The following PRRT4 variants were observed in gnomAD, a reference collection of about 807,000 sequenced individuals.
PRRT4 encodes proline-rich transmembrane protein 4.
Under a neutral mutation model 55.6 loss-of-function variants are expected in PRRT4, and 59 were observed. The observed-to-expected ratio is 1.06, with a 90% CI of 0.86 to 1.32. PRRT4 has a LOEUF of 1.32. Ranked by LOEUF, PRRT4 falls within the 40% of genes most tolerant of loss-of-function variation. The pLI is 0.00. For synonymous variants in PRRT4, 606 were observed against 601.8 expected (o/e 1.01, Z -0.10); for missense variants, 1,217 against 1,222.0 (o/e 1.00, Z 0.06).
At chr7:128,359,780 A>G (rs1376938960) in exon 2 of PRRT4, 33 of 1,542,496 alleles carry the variant, frequency 2.1e-5, no homozygotes, top group Non-Finnish European at 2.8e-5. Context: ...GGTCTCTGTG[A>G]CTGGGCTCCC....
chr7:128,360,076 G>A lies in PRRT4; in HGVS notation c.-72-13C>T. 1.8e-6 allele frequency: 2 copies of A among 1,105,952 alleles called. No homozygotes were observed. Among genetic ancestry groups the A allele is most frequent in the Non-Finnish European group, 2.3e-6 (2 of 861,352 alleles). The allele number at this position is 1,105,952 out of a possible 1,614,324, so 68.5% of individuals were successfully genotyped here. ...GAGGAGGAAGGTCCTGGAGAGAGGA[G>A]AGGCCCTGTGAGCCCTGGCTGTGGC... is the stretch of plus-strand genomic sequence containing the variant. On this transcript the variant is annotated splice_polypyrimidine_tract_variant and intron_variant, in intron 1 of 4. Transcript: ENST00000535159.
rs1241649191 is a variant in PRRT4, at chr7:128,351,980, C to T, written c.1576G>A (p.Ala526Thr). The T allele has an allele frequency of 4.3e-5, 56 of 1,298,338 alleles. No homozygotes were observed. Among genetic ancestry groups the T allele is most frequent in the Non-Finnish European group, 5.5e-5 (56 of 1,022,932 alleles). 80.4% of individuals were successfully genotyped at this position (1,298,338 alleles called of 1,614,324 possible). A position where few individuals can be genotyped will look rare whatever the true frequency, so the allele number is the denominator to read the frequency against. The change falls in exon 5 of 5, where the codon GCC becomes ACC. Residue 526 changes from alanine (A) to threonine (T), a missense_variant. Around this residue, in one of 3 missense-constraint regions of PRRT4, gnomAD observed 642 missense variants for 600.9 expected, o/e 1.07. Coordinates refer to ENST00000535159, the Ensembl canonical transcript of PRRT4. ...CCCGACCCTCCCAGGGGCGCCCCGG[C>T]CCGCCGCCGCCGCCCGCCCCAGCAG...
exon 5 of PRRT4, chr7:128,351,184 G>C (rs1246422177): frequency 6.5e-6 from 10 of 1,543,566 alleles, no homozygotes; most frequent in Non-Finnish European, 8.7e-6. Flanking sequence ...AGCCCCAGGG[G>C]AGGGGAGCTC....
exon 5 of PRRT4, chr7:128,351,060 G>A (rs1019488684): frequency 1.1e-5 from 17 of 1,548,966 alleles, no homozygotes; most frequent in Middle Eastern, 1.7e-4. Flanking sequence ...GACTGAGGAC[G>A]CAGACCAGAG....
chr7:128,352,735 C>T, intron 4 of PRRT4, 57 bp from the exon 6 acceptor site: 1 of 1,433,404 alleles, frequency 7.0e-7, no homozygotes, highest in Non-Finnish European at 9.2e-7. Flanking sequence ...CTTACCCACC[C>T]CACAAGCAGT....
At chr7:128,359,462 T>C in exon 2 of PRRT4, 1 of 1,462,530 alleles carries the variant, frequency 6.8e-7, no homozygotes, top group Non-Finnish European at 9.0e-7. Flanking sequence ...AAACTTCAGC[T>C]CCAGCTCGCT....
At chr7:128,354,143 A>G (rs1797060562) in intron 4 of PRRT4, among the ~76,000 whole-genome samples, 1 of 152,168 alleles carries the variant, frequency 6.6e-6, no homozygotes, top group Admixed American at 6.6e-5. Flanking sequence ...ATGTGAGAGG[A>G]GGGTGCCTGA....
At chr7:128,352,734 C>G in intron 4 of PRRT4, 56 bp from the exon 6 acceptor site, 3 of 1,438,002 alleles carry the variant, frequency 2.1e-6, no homozygotes, top group Non-Finnish European at 2.8e-6. Context: ...CCTTACCCAC[C>G]CCACAAGCAG....
chr7:128,352,211 C>G, exon 5 of PRRT4: 1 of 1,527,620 alleles, frequency 6.5e-7, no homozygotes, highest in Non-Finnish European at 8.8e-7. Context: ...CAGGCCAGCC[C>G]CAGGCCGGCA....
At chr7:128,351,898 G>A (rs2116443119) in exon 5 of PRRT4, 16 of 1,325,652 alleles carry the variant, frequency 1.2e-5, no homozygotes, top group Non-Finnish European at 1.5e-5. Flanking sequence ...GCGCCGCCAG[G>A]ACTCCCGAGG....
At chr7:128,355,054 T>G (rs573410888) in intron 4 of PRRT4, among the ~76,000 whole-genome samples, 3 of 152,220 alleles carry the variant, frequency 2.0e-5, no homozygotes, top group African/African-American at 7.2e-5. Context: ...CTTGATTCAA[T>G]TAACTAAAGG....
exon 5 of PRRT4, chr7:128,351,631 G>A (rs1796973807): frequency 6.6e-7 from 1 of 1,514,290 alleles, no homozygotes; most frequent in Admixed American, 2.1e-5. Flanking sequence ...CGCGTGGCCC[G>A]GGGACAAGCG....
upstream of PRRT4, chr7:128,361,776 G>C (rs1426653381): frequency 2.6e-5 from 4 of 152,358 alleles, no homozygotes; most frequent in Non-Finnish European, 4.4e-5. Flanking sequence ...CGCCACCCGC[G>C]GTCCCCCCAC....
exon 5 of PRRT4, chr7:128,351,760 G>A (rs1796978641): frequency 2.8e-6 from 4 of 1,445,478 alleles, no homozygotes; most frequent in South Asian, 2.8e-5. Flanking sequence ...TAGCTGGAAG[G>A]CCCACCAGGG....
chr7:128,352,004 A>G (rs1018043060), exon 5 of PRRT4: 40 of 1,315,612 alleles, frequency 3.0e-5, no homozygotes, highest in Non-Finnish European at 3.6e-5. Flanking sequence ...CCGCCCCAGC[A>G]GGAGAGCGCC....
exon 5 of PRRT4, chr7:128,351,788 C>A: frequency 7.0e-7 from 1 of 1,423,130 alleles, no homozygotes; most frequent in Non-Finnish European, 9.1e-7. Context: ...CCTTCCAGGC[C>A]GGATTGGCCG....
At chr7:128,361,339 C>T in intron 1 of PRRT4, 1 of 152,280 alleles carries the variant, frequency 6.6e-6, no homozygotes, top group East Asian at 1.9e-4. Context: ...AGGCAGGTCT[C>T]CTCGCCGAGC....
chr7:128,355,749 C>T (rs1037393975), intron 4 of PRRT4, among the ~76,000 whole-genome samples: 4 of 152,202 alleles, frequency 2.6e-5, no homozygotes, highest in African/African-American at 9.6e-5. Context: ...GTGGCCTCTG[C>T]AGAGGGGCAG....
At chr7:128,352,219 G>T in exon 5 of PRRT4, 12 of 1,530,182 alleles carry the variant, frequency 7.8e-6, no homozygotes, top group Non-Finnish European at 9.6e-6. Flanking sequence ...CCCCAGGCCG[G>T]CAGCCAAGCA....
Sources: allele counts gnomAD v4.1 joint callset (sites outside exome capture counted in the v4.1 genomes callset), GRCh38; gene constraint gnomAD v4.1.1; regional missense constraint gnomAD v4.1.1; transcripts MANE v1.5; gene names NCBI Gene and HGNC (gene_info 2026-07-23, HGNC 2026-07-21).